The following CYP4F12 variants were observed in gnomAD, a reference collection of about 807,000 sequenced individuals.
CYP4F12 encodes cytochrome P450 family 4 subfamily F member 12.
In CYP4F12, 60 loss-of-function variants were observed where a neutral mutation model predicts 56.5. The observed-to-expected ratio is 1.06, with a 90% CI of 0.86 to 1.32. The LOEUF is 1.32. Among genes scored for constraint, CYP4F12 ranks in the 40% most tolerant of loss-of-function variants. The pLI is 0.00. For synonymous variants in CYP4F12, 263 were observed against 264.9 expected, an observed-to-expected ratio of 0.99 and a Z score of 0.07; for missense variants, 711 against 683.5, an observed-to-expected ratio of 1.04 and a Z score of -0.45.
intron 5 of CYP4F12, chr19:15,681,459 G>A (rs1406000370): frequency 6.6e-6 from 1 of 152,196 alleles, no homozygotes; most frequent in Non-Finnish European, 1.5e-5. Context: ...AAGGGTAGTT[G>A]ATTACTCATG....
At chr19:15,681,489 C>T (rs1455449452) in intron 5 of CYP4F12, 1 of 152,196 alleles carries the variant, frequency 6.6e-6, no homozygotes, top group Non-Finnish European at 1.5e-5. Context: ...GCAACATGTA[C>T]TTCTTGTTGG....
In CYP4F12 at chr19:15,697,039, G is replaced by A. The variant is rs766386918; in HGVS notation, c.1529G>A (p.Gly510Asp). ...RKLELIMRAE[G>D]GLWLRVEPLN... ...CTGGAATTGATCATGCGCGCCGAGG[G>A]CGGGCTTTGGCTGCGGGTGGAGCCC... The change falls in exon 13 of 13, where the codon GGC becomes GAC. Residue 510 changes from glycine to aspartate, a missense_variant. Physicochemically the swap from Gly to Asp is moderately conservative, Grantham distance 94. Coordinates refer to ENST00000550308, the MANE Select transcript of CYP4F12 (RefSeq NM_023944.4). 1.2e-6 allele frequency: 2 copies of A among 1,614,044 alleles called. No homozygotes were observed. The highest frequency in any genetic ancestry group is 2.7e-5 in the African/African-American group (2 of 74,958).
chr19:15,693,053 G>A (rs1328773583), intron 9 of CYP4F12, among the ~76,000 whole-genome samples: 1 of 152,128 alleles, frequency 6.6e-6, no homozygotes, highest in South Asian at 2.1e-4. Context: ...ACTCCAGCCT[G>A]AGCAACAGAG....
At chr19:15,692,801 C>T (rs571424624) in intron 9 of CYP4F12, among the ~76,000 whole-genome samples, 25 of 152,130 alleles carry the variant, frequency 1.6e-4, no homozygotes, top group Admixed American at 1.0e-3. Flanking sequence ...ACGCCAGCCA[C>T]GGTGGTTCAT....
chr19:15,673,730 G>A lies in CYP4F12; in HGVS notation c.198+3G>A. The A allele has an allele frequency of 6.2e-7, 1 of 1,613,908 alleles. No individual in the cohort carries two copies. The highest frequency in any genetic ancestry group is 8.5e-7 in the Non-Finnish European group (1 of 1,179,936). The stretch of plus-strand genomic sequence containing the variant: ...GGTTTTGGGGTCACCTGGGCCTGGT[G>A]AGTGTGACAGCAAAATGTGTCTGGG... On this transcript the variant is annotated splice_donor_region_variant and intron_variant, in intron 2 of 12. Coordinates refer to ENST00000550308, the MANE Select transcript of CYP4F12 (RefSeq NM_023944.4).
chr19:15,683,946 T>C, intron 7 of CYP4F12, 183 bp downstream of exon 7: 1 of 618,572 alleles, frequency 1.6e-6, no homozygotes, highest in Non-Finnish European at 2.6e-6. Flanking sequence ...CACTGCTAAT[T>C]CTGAAACTGT....
Position 15,682,369 on chromosome 19 carries a change from C to A in CYP4F12, c.526-20C>A, listed in dbSNP as rs12460365. 9.9e-6 allele frequency: 15 copies of A among 1,512,044 alleles called. No individual in the cohort carries two copies. The highest frequency in any genetic ancestry group is 1.3e-5 in the Non-Finnish European group (14 of 1,097,442). 93.7% of individuals were successfully genotyped at this position (1,512,044 alleles called of 1,614,324 possible). On this transcript the variant is annotated intron_variant, in intron 5 of 12. Coordinates refer to ENST00000550308, the MANE Select transcript of CYP4F12 (RefSeq NM_023944.4). ...AAGGAGGCAGGGCCCAGCTCTAGCT[C>A]TCTTCCCTTCTCTGGCCAGGACAAG...
Position 15,696,064 on chromosome 19 carries a change from C to T in CYP4F12, c.1244C>T (p.Pro415Leu), listed in dbSNP as rs267605323. The T allele has an allele frequency of 6.2e-7, 1 of 1,613,314 alleles. No homozygotes were observed. Among genetic ancestry groups the T allele is most frequent in the Middle Eastern group, 1.7e-4 (1 of 6,050 alleles). ...DIVLPDGRVIPKGITCLIDII... is the reference protein window; with the variant it reads ...DIVLPDGRVILKGITCLIDII... ...GTTCTCCCAGATGGCCGAGTCATCC[C>T]CAAAGGTGCCCACAGCCTCAGGGGG... Residue 415 changes from proline (P) to leucine (L), a missense_variant, in exon 10 of 13, where the codon CCC becomes CTC. By Grantham distance (98) the Pro-to-Leu change is moderately conservative (BLOSUM62 -3). Transcript: ENST00000550308.
Position 15,680,439 on chromosome 19 carries a change from C to G in CYP4F12, c.445C>G (p.Arg149Gly). The change falls in exon 5 of 13, where the codon CGG becomes GGG. Residue 149 changes from arginine (R) to glycine (G), a missense_variant. Physicochemically the swap from Arg to Gly is moderately radical, Grantham distance 125. Transcript: ENST00000550308. ...CGGTGACAAGTGGAGCCGCCACCGT[C>G]GGATGCTGACGCCCGCCTTCCATTT... ...SGGDKWSRHRRMLTPAFHFNI... is the reference protein window; with the variant it reads ...SGGDKWSRHRGMLTPAFHFNI... The G allele has an allele frequency of 6.2e-7, 1 of 1,614,136 alleles. No individual in the cohort carries two copies. The highest frequency in any genetic ancestry group is 8.5e-7 in the Non-Finnish European group (1 of 1,180,022).
Position 15,683,725 on chromosome 19 carries a change from A to T in CYP4F12, c.880A>T (p.Lys294Ter), listed in dbSNP as rs2007446349. Residue 294 changes from lysine to a stop codon, truncating the protein, a stop_gained, in exon 7 of 13, where the codon AAG (lysine) becomes TAG (stop). Transcript: ENST00000550308. LOFTEE classifies it high-confidence loss of function. The stretch of plus-strand genomic sequence containing the variant: ...TTTTTTCAAAGACAAAGCCAAGTCC[A>T]AGACTTTGGATTTCATTGATGTGCT... ...DDFFKDKAKS[K>*]TLDFIDVLLL... 6.3e-7 allele frequency: 1 copy of T among 1,588,992 alleles called. No homozygotes were observed. The highest frequency in any genetic ancestry group is 8.6e-7 in the Non-Finnish European group (1 of 1,168,476).
intron 2 of CYP4F12, among the ~76,000 whole-genome samples, chr19:15,676,972 C>T (rs1237076897): frequency 1.2e-4 from 16 of 138,978 alleles, no homozygotes; most frequent in Admixed American, 7.2e-5. Context: ...CATTCCTGTG[C>T]CCATTCACTC....
At position 15,687,045 on chromosome 19, in the gene CYP4F12, A is replaced by C. The variant is rs184886157; in HGVS notation, c.1115+1848A>C. 4.7e-3 allele frequency among the ~76,000 whole-genome samples: 716 copies of C among 152,288 alleles called. 3 individuals are homozygous for C. Among genetic ancestry groups the C allele is most frequent in the African/African-American group, 0.016 (682 of 41,542 alleles). On this transcript the variant is annotated intron_variant, in intron 9 of 12. Coordinates refer to ENST00000550308, the MANE Select transcript of CYP4F12 (RefSeq NM_023944.4). ...GTAATCCCAGCACTTTGGAAGGCCG[A>C]GGCGGGCGGATCACGAGGTCAGGAG...
At chr19:15,686,329 C>T (rs1262278421) in intron 9 of CYP4F12, among the ~76,000 whole-genome samples, 1 of 152,074 alleles carries the variant, frequency 6.6e-6, no homozygotes, top group South Asian at 2.1e-4. Context: ...CAACTGAAAC[C>T]CTGAATGGTG....
chr19:15,678,670 C>T, intron 3 of CYP4F12: 1 of 414,382 alleles, frequency 2.4e-6, no homozygotes, highest in Non-Finnish European at 4.4e-6. Context: ...CTCATAGGGT[C>T]AGGAATGGGC....
At chr19:15,679,270 G>A (rs1479593199) in intron 3 of CYP4F12, among the ~76,000 whole-genome samples, 1 of 152,246 alleles carries the variant, frequency 6.6e-6, no homozygotes, top group Non-Finnish European at 1.5e-5. Flanking sequence ...TCAAAGGAGT[G>A]TAAATTTCAG....
intron 9 of CYP4F12, among the ~76,000 whole-genome samples, chr19:15,690,981 G>GT (rs1029915033): frequency 2.6e-5 from 4 of 152,248 alleles, no homozygotes; most frequent in African/African-American, 4.8e-5. Flanking sequence ...TTGGGAACAT[G>GT]TTTTTTTCCA....
intron 9 of CYP4F12, among the ~76,000 whole-genome samples, chr19:15,693,564 C>G (rs649779): frequency 0.24 from 32,365 of 134,754 alleles, 4,547 homozygotes; most frequent in African/African-American, 0.35. Context: ...ATTTGTTTGA[C>G]TTCATTGTAG....
intron 3 of CYP4F12, among the ~76,000 whole-genome samples, chr19:15,679,693 T>C (rs1199891808): frequency 6.6e-6 from 1 of 152,216 alleles, no homozygotes; most frequent in African/African-American, 2.4e-5. Flanking sequence ...GTCTGGGAGC[T>C]AGGGTCTCTT....
intron 7 of CYP4F12, 38 bp downstream of exon 7, chr19:15,683,801 A>G: frequency 1.3e-6 from 2 of 1,500,550 alleles, no homozygotes; most frequent in Non-Finnish European, 1.8e-6. Flanking sequence ...GTGAGAGAAT[A>G]GAGCTTCATG....
Sources: allele counts gnomAD v4.1 joint callset (sites outside exome capture counted in the v4.1 genomes callset), GRCh38; gene constraint gnomAD v4.1.1; transcripts MANE v1.5; gene names NCBI Gene and HGNC (gene_info 2026-07-23, HGNC 2026-07-21).